The following BANF1 variants were observed in gnomAD, a reference collection of about 807,000 sequenced individuals.
The protein encoded by BANF1 is barrier-to-autointegration factor.
For synonymous variants in BANF1, 49 were observed against 43.7 expected, an observed-to-expected ratio of 1.12 and a Z score of -0.48; for missense variants, 47 against 110.4, an observed-to-expected ratio of 0.43 and a Z score of 2.57.
In BANF1 at chr11:66,003,712, C is replaced by G; in HGVS notation, c.210C>G (p.Asn70Lys). ...REWLKDTCGA[N>K]AKQSRDCFGC... is the part of the protein sequence containing the mutation. ...GGCTGAAAGACACTTGTGGCGCCAA[C>G]GCCAAGCAGTCCCGGGACTGCTTCG... is the stretch of plus-strand genomic sequence containing the variant. Residue 70 changes from asparagine to lysine, a missense_variant, in exon 3 of 3, where the codon AAC becomes AAG. Transcript: ENST00000312175. 6.2e-7 allele frequency: 1 copy of G among 1,614,142 alleles called. No individual in the cohort carries two copies. Among genetic ancestry groups the G allele is most frequent in the Non-Finnish European group, 8.5e-7 (1 of 1,180,030 alleles).
In BANF1 at chr11:66,003,470, C is replaced by T. The variant is rs888478814; in HGVS notation, c.123+97C>T. On this transcript the variant is annotated intron_variant, in intron 2 of 2. Transcript: ENST00000312175. ...GACAGTAAGGTATAATCTGAAGAGGCTGCCAGAGCCTGGGCACCTGGTGGA... is the reference window on the plus strand; with the variant it reads ...GACAGTAAGGTATAATCTGAAGAGGTTGCCAGAGCCTGGGCACCTGGTGGA... The T allele has an allele frequency of 7.3e-5, 118 of 1,608,364 alleles. No individual in the cohort carries two copies. In the African/African-American group the frequency reaches 1.5e-3, roughly 20 times the overall value.
intron 1 of BANF1, chr11:66,003,030 C>G (rs1050020685): frequency 1.7e-6 from 1 of 586,752 alleles, no homozygotes; most frequent in Admixed American, 2.9e-5. Context: ...GGGGCAAGAT[C>G]AAAATCCAGG....
chr11:66,003,502 AG>A lies in BANF1; in HGVS notation c.124-118del, dbSNP rs1182633127. 1.7e-5 allele frequency: 28 copies of A among 1,608,126 alleles called. 1 individual carries two copies. In the Middle Eastern group the frequency reaches 8.2e-4, roughly 47 times the overall value. On this transcript the variant is annotated intron_variant, in intron 2 of 2. Transcript: ENST00000312175. Reference sequence around the variant, plus strand: ...AGCCTGGGCACCTGGTGGAGAGGAGAGGGGGGCAAAACCCGCGCTGCTTCCT... The same window carrying A: ...AGCCTGGGCACCTGGTGGAGAGGAGAGGGGGCAAAACCCGCGCTGCTTCCT...
rs1159283098 is a variant in BANF1 at position 66,003,379 on chromosome 11, G to GGGT, written c.123+9_123+11dup. On this transcript the variant is annotated splice_region_variant and intron_variant, in intron 2 of 2. Transcript: ENST00000312175. ...AGGAAAGGGGTTTTGACAAGGTGTG[G>GGGT]GGTGGCTGCGTGTACCTAGTGCAAG... 6.2e-7 allele frequency: 1 copy of GGGT among 1,613,722 alleles called. No individual in the cohort carries two copies. Among genetic ancestry groups the GGGT allele is most frequent in the Non-Finnish European group, 8.5e-7 (1 of 1,179,886 alleles).
At chr11:66,003,532 C>T (rs1856061274) in intron 2 of BANF1, 94 bp from the exon 3 acceptor site, 1 of 1,611,228 alleles carries the variant, frequency 6.2e-7, no homozygotes, top group Non-Finnish European at 8.5e-7. Flanking sequence ...GCTTCCTGGG[C>T]TTGTGTGCTC....
At chr11:66,003,133 C>CA in intron 1 of BANF1, 102 bp from the exon 2 acceptor site, 1 of 1,285,806 alleles carries the variant, frequency 7.8e-7, no homozygotes, top group Non-Finnish European at 1.1e-6. Flanking sequence ...GAGCAAGCCA[C>CA]TGTAACCCCT....
chr11:66,002,973 C>G (rs1311486159), intron 1 of BANF1: 1 of 459,762 alleles, frequency 2.2e-6, no homozygotes, highest in African/African-American at 2.0e-5. Flanking sequence ...GGGCATCTTT[C>G]CACTGCCCCG....
intron 1 of BANF1, 159 bp from the exon 2 acceptor site, chr11:66,003,072 TAGGG>T: frequency 1.4e-6 from 1 of 733,122 alleles, no homozygotes; most frequent in Non-Finnish European, 2.4e-6. Context: ...TTAAAAATAG[TAGGG>T]AAGAGTCTCC....
Position 66,003,851 on chromosome 11 carries a change from GA to G in BANF1, c.*81del. The G allele has an allele frequency of 6.3e-7, 1 of 1,596,564 alleles. No individual in the cohort carries two copies. The highest frequency in any genetic ancestry group is 1.7e-5 in the Admixed American group (1 of 59,494). On this transcript the variant is annotated 3_prime_UTR_variant, in exon 3 of 3. Coordinates refer to ENST00000312175, the MANE Select transcript of BANF1 (RefSeq NM_003860.4). The stretch of plus-strand genomic sequence containing the variant: ...TAGGGACTCCTCCCCTGTCCTCTAC[GA>G]AGGAAAAGATTGCTATTGTCGTACT...
intron 1 of BANF1, chr11:66,002,861 C>T (rs921028889): frequency 6.1e-6 from 2 of 325,326 alleles, no homozygotes; most frequent in South Asian, 2.5e-5. Context: ...CTTTGGTTAG[C>T]TTTCCACGCC....
chr11:66,003,087 C>T, intron 1 of BANF1, 148 bp from the exon 2 acceptor site: 2 of 816,638 alleles, frequency 2.4e-6, no homozygotes, highest in South Asian at 1.5e-5. Flanking sequence ...AAGAGTCTCC[C>T]TGGAACTGTT....
rs755536616 is a variant in BANF1 at position 66,003,821 on chromosome 11, C to T, written c.*49C>T. The T allele has an allele frequency of 2.2e-5, 36 of 1,612,208 alleles. No individual in the cohort carries two copies. Among genetic ancestry groups the T allele is most frequent in the Non-Finnish European group, 2.9e-5 (34 of 1,179,458 alleles). ...CCCAGCCCTCATCCAGAGTTTGCAG[C>T]CGAGTAGGGACTCCTCCCCTGTCCT... is the stretch of plus-strand genomic sequence containing the variant. On this transcript the variant is annotated 3_prime_UTR_variant, in exon 3 of 3. Transcript: ENST00000312175.
intron 2 of BANF1, 61 bp from the exon 3 acceptor site, chr11:66,003,565 C>T: frequency 1.9e-6 from 3 of 1,597,512 alleles, no homozygotes; most frequent in Non-Finnish European, 2.6e-6. Flanking sequence ...GAATGGCTGT[C>T]TTGCTCTTAT....
At chr11:66,003,524 T>C in intron 2 of BANF1, 102 bp from the exon 3 acceptor site, 3 of 1,611,622 alleles carry the variant, frequency 1.9e-6, no homozygotes, top group Admixed American at 1.7e-5. Context: ...CCCGCGCTGC[T>C]TCCTGGGCTT....
At chr11:66,002,746 G>A (rs1856027518) in intron 1 of BANF1, 176 bp downstream of exon 1, 1 of 151,676 alleles carries the variant, frequency 6.6e-6, no homozygotes, top group African/African-American at 2.4e-5. Context: ...GCGGGCCGCA[G>A]CGGCGCGCGG....
intron 2 of BANF1, 45 bp downstream of exon 2, chr11:66,003,418 G>A (rs1438053979): frequency 1.2e-6 from 2 of 1,613,364 alleles, no homozygotes; most frequent in South Asian, 2.2e-5. Context: ...GGGGTGGAAG[G>A]GAAGTGATTC....
intron 2 of BANF1, 117 bp from the exon 3 acceptor site, chr11:66,003,508 GC>G (rs1198158943): frequency 6.8e-6 from 11 of 1,607,984 alleles, no homozygotes; most frequent in Admixed American, 1.7e-5. Context: ...GGAGAGGGGG[GC>G]AAAACCCGCG....
In BANF1 at chr11:66,003,918, C is replaced by G. The variant is rs535232397; in HGVS notation, c.*146C>G. On this transcript the variant is annotated 3_prime_UTR_variant, in exon 3 of 3. Coordinates refer to ENST00000312175, the MANE Select transcript of BANF1 (RefSeq NM_003860.4). ...CCGGGGTCTTTTGGGAGTTTTCTCC[C>G]CTAACCATTTCAACTTTTTTTTGGA... 32 of 1,206,412 alleles carry G rather than the reference C, an allele frequency of 2.7e-5. No individual in the cohort carries two copies. The highest frequency in any genetic ancestry group is 3.1e-5 in the Non-Finnish European group (27 of 858,614). The allele number at this position is 1,206,412 out of a possible 1,614,324, so 74.7% of individuals were successfully genotyped here.
intron 1 of BANF1, 22 bp from the exon 2 acceptor site, chr11:66,003,213 G>A (rs1292901199): frequency 1.9e-6 from 3 of 1,611,638 alleles, no homozygotes; most frequent in South Asian, 1.1e-5. Context: ...GCCCTAATCT[G>A]CCTTTTTTTT....
Sources: allele counts gnomAD v4.1 joint callset, GRCh38; gene constraint gnomAD v4.1.1; transcripts MANE v1.5; gene names NCBI Gene and HGNC (gene_info 2026-07-23, HGNC 2026-07-21).